KHDRBS2: variants seen among roughly 807,000 people sequenced by gnomAD.
KHDRBS2 encodes the protein KH domain-containing, RNA-binding, signal transduction-associated protein 2.
In KHDRBS2, 26 loss-of-function variants were observed where a neutral mutation model predicts 44.3. The ratio of observed to expected loss-of-function variants is 0.59; its 90% CI spans 0.43 to 0.81. The LOEUF (loss-of-function observed/expected upper bound fraction) is 0.81. Among genes scored for constraint, KHDRBS2 ranks in the 40% least tolerant of loss-of-function variants. The probability of loss-of-function intolerance (pLI) is 0.00; values close to 1 mark genes in which losing one functional copy is unlikely to be tolerated. For synonymous variants in KHDRBS2, 194 were observed against 151.1 expected, an observed-to-expected ratio of 1.28 and a Z score of -2.08; for missense variants, 476 against 433.1, an observed-to-expected ratio of 1.10 and a Z score of -0.88.
chr6:61,729,290 G>A (rs1380263464), intron 7 of KHDRBS2, among the ~76,000 whole-genome samples: 2 of 151,954 alleles, frequency 1.3e-5, no homozygotes, highest in Non-Finnish European at 2.9e-5. Flanking sequence ...GAACACATGG[G>A]CACATAGAGG....
chr6:62,077,670 C>T (rs1406622793), intron 2 of KHDRBS2, among the ~76,000 whole-genome samples: 3 of 152,000 alleles, frequency 2.0e-5, no homozygotes, highest in Non-Finnish European at 4.4e-5. Flanking sequence ...CAACACCTTT[C>T]TGCCTTTTGA....
At chr6:61,870,997 G>A (rs544548788) in intron 6 of KHDRBS2, among the ~76,000 whole-genome samples, 10 of 152,128 alleles carry the variant, frequency 6.6e-5, no homozygotes, top group Non-Finnish European at 1.0e-4. Flanking sequence ...AAAACTGGAC[G>A]GAGAATGAGT....
At chr6:61,776,549 A>C (rs564228172) in intron 6 of KHDRBS2, among the ~76,000 whole-genome samples, 7 of 152,348 alleles carry the variant, frequency 4.6e-5, no homozygotes, top group Non-Finnish European at 1.0e-4. Flanking sequence ...GCTCACCATC[A>C]CTGGTCATCA....
chr6:61,847,525 T>C (rs1342298056), intron 6 of KHDRBS2, among the ~76,000 whole-genome samples: 4 of 152,142 alleles, frequency 2.6e-5, no homozygotes, highest in African/African-American at 9.7e-5. Flanking sequence ...GGATGAGCTA[T>C]GTATGTGTGA....
At chr6:62,172,784 A>C (rs1469672615) in intron 2 of KHDRBS2, among the ~76,000 whole-genome samples, 1 of 151,846 alleles carries the variant, frequency 6.6e-6, no homozygotes, top group Non-Finnish European at 1.5e-5. Context: ...AATGCTAAGA[A>C]GATTGCTCAA....
the KHDRBS2 span, among the ~76,000 whole-genome samples, chr6:61,549,309 C>T: frequency 5.7e-4 from 87 of 152,252 alleles, no homozygotes; most frequent in African/African-American, 2.0e-3. Context: ...GTTTCAAACA[C>T]ATTTGGTCTC....
intron 6 of KHDRBS2, among the ~76,000 whole-genome samples, chr6:61,881,015 G>A (rs2151968): frequency 0.42 from 63,047 of 151,668 alleles, 13,315 homozygotes; most frequent in Admixed American, 0.49. Context: ...GCTTCTAGAT[G>A]GCCATTAAGT....
At chr6:62,107,266 T>C (rs1803651250) in intron 2 of KHDRBS2, among the ~76,000 whole-genome samples, 1 of 152,180 alleles carries the variant, frequency 6.6e-6, no homozygotes, top group African/African-American at 2.4e-5. Flanking sequence ...AAAATCAATG[T>C]ATGAAAATCA....
chr6:61,912,330 A>G (rs962360671), intron 4 of KHDRBS2, among the ~76,000 whole-genome samples: 2 of 152,192 alleles, frequency 1.3e-5, no homozygotes, highest in East Asian at 3.8e-4. Flanking sequence ...ACAGATTTAT[A>G]TTTAGAAGAC....
At chr6:61,557,621 G>T in the KHDRBS2 span, among the ~76,000 whole-genome samples, 8 of 152,100 alleles carry the variant, frequency 5.3e-5, no homozygotes, top group Admixed American at 2.0e-4. Context: ...GTCTGGTTTT[G>T]ATATCAGGAT....
chr6:61,942,217 T>C (rs1812273522), intron 4 of KHDRBS2, among the ~76,000 whole-genome samples: 1 of 152,052 alleles, frequency 6.6e-6, no homozygotes, highest in South Asian at 2.1e-4. Context: ...TGCCTCAGGC[T>C]CCCAAAGTGC....
chr6:61,957,269 G>A (rs1255550801), intron 4 of KHDRBS2, among the ~76,000 whole-genome samples: 1 of 152,108 alleles, frequency 6.6e-6, no homozygotes, highest in African/African-American at 2.4e-5. Context: ...TAGAGCATGT[G>A]TGTTTGAACA....
intron 2 of KHDRBS2, among the ~76,000 whole-genome samples, chr6:62,172,055 C>T (rs1820116589): frequency 6.6e-6 from 1 of 152,116 alleles, no homozygotes; most frequent in Non-Finnish European, 1.5e-5. Context: ...AACATGATGA[C>T]AGGATCAAAT....
chr6:61,698,505 T>C (rs1447404485), intron 7 of KHDRBS2, among the ~76,000 whole-genome samples: 3 of 152,138 alleles, frequency 2.0e-5, no homozygotes, highest in African/African-American at 7.2e-5. Context: ...ATGCTATCCT[T>C]CTAAGTGGTT....
intron 2 of KHDRBS2, among the ~76,000 whole-genome samples, chr6:62,167,618 TGAG>T (rs1818978789): frequency 6.6e-6 from 1 of 152,040 alleles, no homozygotes; most frequent in Non-Finnish European, 1.5e-5. Flanking sequence ...AATTCACAAA[TGAG>T]GAGTTGGGAA....
At chr6:62,145,451 T>A (rs1311685591) in intron 2 of KHDRBS2, among the ~76,000 whole-genome samples, 1 of 151,894 alleles carries the variant, frequency 6.6e-6, no homozygotes, top group Non-Finnish European at 1.5e-5. Context: ...ATGACTTTTG[T>A]ATGAGAAAAA....
the KHDRBS2 span, among the ~76,000 whole-genome samples, chr6:61,663,500 C>CATATATACATATATATATATATATAT: frequency 5.6e-5 from 2 of 35,970 alleles, no homozygotes; most frequent in Non-Finnish European, 1.1e-4. Flanking sequence ...CATGAGACAC[C>CATATATACATATATATATATATATAT]ATATATATAT....
At chr6:62,008,672 G>C (rs546141587) in intron 3 of KHDRBS2, among the ~76,000 whole-genome samples, 3 of 152,280 alleles carry the variant, frequency 2.0e-5, no homozygotes, top group Admixed American at 6.5e-5. Context: ...AACCCCATGG[G>C]AGATGATTGA....
At chr6:61,967,585 CA>C (rs1770317745) in intron 4 of KHDRBS2, among the ~76,000 whole-genome samples, 1 of 151,780 alleles carries the variant, frequency 6.6e-6, no homozygotes, top group Non-Finnish European at 1.5e-5. Flanking sequence ...AGAGGAGTCC[CA>C]AACCAGGAGT....
Sources: gnomAD v4.1 joint callset for allele counts (sites outside exome capture counted in the v4.1 genomes callset) on GRCh38, gnomAD v4.1.1 for gene constraint, MANE v1.5 for transcripts, NCBI Gene and HGNC (gene_info 2026-07-23, HGNC 2026-07-21) for gene names.